The following IWS1 variants were observed in gnomAD, a reference collection of about 807,000 sequenced individuals.
IWS1 encodes protein IWS1 homolog.
A neutral mutation model predicts 86.7 loss-of-function variants in IWS1; 27 were observed. That is an observed-to-expected ratio of 0.31 (90% CI 0.23 to 0.43). The LOEUF is 0.43. IWS1 is among the 20% of genes least tolerant of loss of function. The pLI, the probability that IWS1 is intolerant of heterozygous loss-of-function variation, is 1.00. For missense variants in IWS1, 827 were observed against 1,000.8 expected, an observed-to-expected ratio of 0.83 and a Z score of 2.34; for synonymous variants, 313 against 335.1, an observed-to-expected ratio of 0.93 and a Z score of 0.72.
chr2:127,526,113 G>A, intron 1 of IWS1, 62 bp downstream of exon 1: 27 of 1,518,002 alleles, frequency 1.8e-5, no homozygotes, highest in Non-Finnish European at 2.4e-5. Context: ...CGGGGTGCCA[G>A]GCCAAGCCCC....
In IWS1 at chr2:127,499,095, C is replaced by CTT. The variant is rs397718564; in HGVS notation, c.1468-860_1468-859dup. On this transcript the variant is annotated intron_variant, in intron 5 of 13. Coordinates refer to ENST00000295321, the MANE Select transcript of IWS1 (RefSeq NM_017969.3). The surrounding 1 kb of genome is among the most constrained non-coding windows in gnomAD (Gnocchi z 4.0). ...TTTGCCAGGCATAATTTTTCTTTTTCTTTTTTTTTTTTTGAGACGGAGTCT... is the reference window on the plus strand; with the variant it reads ...TTTGCCAGGCATAATTTTTCTTTTTCTTTTTTTTTTTTTTTGAGACGGAGTCT... Among the ~76,000 whole-genome samples, 3,101 of 143,672 alleles carry CTT rather than the reference C, an allele frequency of 0.022. 102 individuals carry two copies. Among genetic ancestry groups the CTT allele is most frequent in the African/African-American group, 0.068 (2,628 of 38,908 alleles). 94.3% of individuals were successfully genotyped at this position (143,672 alleles called of 152,430 possible).
chr2:127,509,707 C>CAA (rs34526019), intron 2 of IWS1, among the ~76,000 whole-genome samples: 2,037 of 54,876 alleles, frequency 0.037, 206 homozygotes, highest in Middle Eastern at 0.089. Context: ...CACTCCATCT[C>CAA]AAAAAAAAAA....
intron 3 of IWS1, among the ~76,000 whole-genome samples, 197 bp from the exon 4 acceptor site, chr2:127,503,773 G>C (rs370528103): frequency 7.2e-5 from 11 of 152,066 alleles, no homozygotes; most frequent in African/African-American, 2.7e-4. Context: ...GGCTCATTCA[G>C]AGTCATCTTA....
intron 12 of IWS1, among the ~76,000 whole-genome samples, chr2:127,487,534 T>C (rs1689990039): frequency 6.6e-6 from 1 of 152,208 alleles, no homozygotes; most frequent in South Asian, 2.1e-4. Context: ...CAATTGTTTC[T>C]ATTCTCTTGT....
In IWS1 at chr2:127,505,701, C is replaced by A; in HGVS notation, c.202G>T (p.Asp68Tyr). 6.2e-7 allele frequency: 1 copy of A among 1,612,270 alleles called. No homozygotes were observed. The highest frequency in any genetic ancestry group is 1.1e-5 in the South Asian group (1 of 90,736). The stretch of plus-strand genomic sequence containing the variant: ...TTTAAGGGCTCATCGTTCTCAGAGT[C>A]TGTCACATGATGTCCTTTGGGGAGG... ...DGLPKGHHVT[D>Y]SENDEPLNLN... The change falls in exon 3 of 14, where the codon GAC (aspartate) becomes TAC (tyrosine). Residue 68 changes from aspartate (D) to tyrosine (Y), a missense_variant. Physicochemically the swap from Asp to Tyr is radical, Grantham distance 160. This residue lies in a region of IWS1 where 548 missense variants were observed against 560.2 expected (regional missense o/e 0.98). Coordinates refer to ENST00000295321, the MANE Select transcript of IWS1 (RefSeq NM_017969.3). This position sits in a 1 kb window ranked among gnomAD's most constrained non-coding sequence, Gnocchi z 5.0.
In IWS1 at chr2:127,489,890, T is replaced by C. The variant is rs1171199779; in HGVS notation, c.2101A>G (p.Arg701Gly). The C allele has an allele frequency of 1.2e-6, 2 of 1,613,068 alleles. No homozygotes were observed. Among genetic ancestry groups the C allele is most frequent in the Non-Finnish European group, 8.5e-7 (1 of 1,179,150 alleles). Reference sequence around the variant, plus strand: ...AGATCTCTCTGCTCCCTTTCTTCTCTTGTCATTCCTTTGTAGTTTGAGGTA... The same window carrying C: ...AGATCTCTCTGCTCCCTTTCTTCTCCTGTCATTCCTTTGTAGTTTGAGGTA... ...GLTSNYKGMT[R>G]EEREQRDLEQ... Residue 701 changes from arginine (R) to glycine (G), a missense_variant, in exon 11 of 14, where the codon AGA becomes GGA. This residue lies in a region of IWS1 where 279 missense variants were observed against 440.6 expected (regional missense o/e 0.63). Transcript: ENST00000295321. This position sits in a 1 kb window ranked among gnomAD's most constrained non-coding sequence, Gnocchi z 4.8.
rs150028187 is a variant in IWS1, at chr2:127,496,291, G to A, written c.1566-143C>T. The A allele has an allele frequency of 5.3e-4, 466 of 880,932 alleles. 5 individuals carry two copies. In the East Asian group the frequency reaches 9.2e-3, roughly 17 times the overall value. 54.6% of individuals were successfully genotyped at this position (880,932 alleles called of 1,614,324 possible). On this transcript the variant is annotated intron_variant, in intron 6 of 13. Transcript: ENST00000295321. ...TTTAAAAGTGCAAATACAGTCATGC[G>A]CCGCATAACGATGTTTCGGTCAATG...
At position 127,515,262 on chromosome 2, in the gene IWS1, G is replaced by A. The variant is rs147530455; in HGVS notation, c.150+8414C>T. On this transcript the variant is annotated intron_variant, in intron 2 of 13. Transcript: ENST00000295321. ...TGGTCATCAATGATGGGGAGGATGTGTTACTAGCATTTCATTTAATGCCCA... is the reference window on the plus strand; with the variant it reads ...TGGTCATCAATGATGGGGAGGATGTATTACTAGCATTTCATTTAATGCCCA... 1.8e-4 allele frequency among the ~76,000 whole-genome samples: 27 copies of A among 152,308 alleles called. No individual in the cohort carries two copies. In the East Asian group the frequency reaches 5.0e-3, roughly 28 times the overall value.
intron 6 of IWS1, among the ~76,000 whole-genome samples, chr2:127,497,250 T>C (rs948984069): frequency 6.6e-5 from 10 of 152,256 alleles, no homozygotes; most frequent in Admixed American, 2.6e-4. Context: ...TCATGCACTA[T>C]ATTCACACTT....
At chr2:127,490,354 CTT>C (rs386650222) in intron 10 of IWS1, among the ~76,000 whole-genome samples, 57 of 152,278 alleles carry the variant, frequency 3.7e-4, no homozygotes, top group African/African-American at 1.3e-3. Context: ...GAACAAACTC[CTT>C]TACAACTACC....
Position 127,493,296 on chromosome 2 carries a change from C to T in IWS1, c.1914G>A (p.Leu638=), listed in dbSNP as rs770732291. Residue 638 remains leucine, a synonymous_variant, in exon 9 of 14, where the codon CTG becomes CTA. Transcript: ENST00000295321. ...LPALKIREEL[L]KILQELPSVS... ...TGCCTCTAACCTCTTGCAGGATCTT[C>T]AGCAGCTCCTCCCGGATCTTGAGTG... 5.6e-6 allele frequency: 9 copies of T among 1,611,620 alleles called. No individual in the cohort carries two copies. In the East Asian group the frequency reaches 2.0e-4, roughly 36 times the overall value.
chr2:127,483,463 T>TAAAA, intron 13 of IWS1, among the ~76,000 whole-genome samples: 1 of 140,704 alleles, frequency 7.1e-6, no homozygotes, highest in East Asian at 2.1e-4. Context: ...AAATACATAA[T>TAAAA]AAAAAAAAAA....
In IWS1 at chr2:127,481,069, A is replaced by G; in HGVS notation, c.2435T>C (p.Ile812Thr). 6.2e-7 allele frequency: 1 copy of G among 1,611,906 alleles called. No homozygotes were observed. The highest frequency in any genetic ancestry group is 8.5e-7 in the Non-Finnish European group (1 of 1,179,296). Residue 812 changes from isoleucine to threonine, a missense_variant, in exon 14 of 14, where the codon ATT (isoleucine) becomes ACT (threonine). By Grantham distance (89) the Ile-to-Thr change is moderately conservative. Coordinates refer to ENST00000295321, the MANE Select transcript of IWS1 (RefSeq NM_017969.3). ...SRSAHAVKIS[I>T]EGNKMPL ...TCACAATGGCATTTTGTTGCCCTCAATGCTGATTTTCACTGCGTGTGCAGA... is the reference window on the plus strand; with the variant it reads ...TCACAATGGCATTTTGTTGCCCTCAGTGCTGATTTTCACTGCGTGTGCAGA...
intron 2 of IWS1, among the ~76,000 whole-genome samples, chr2:127,513,248 A>G (rs1691569337): frequency 1.4e-5 from 2 of 146,428 alleles, no homozygotes; most frequent in Admixed American, 1.3e-4. Context: ...CTCAAAAAAA[A>G]TAAAAAACAA....
chr2:127,516,667 G>A (rs761255007), intron 2 of IWS1, among the ~76,000 whole-genome samples: 13 of 151,874 alleles, frequency 8.6e-5, no homozygotes, highest in Admixed American at 2.6e-4. Context: ...GGTATGAGGC[G>A]GGAAGACTCC....
chr2:127,494,263 A>C (rs1573517797), intron 8 of IWS1, among the ~76,000 whole-genome samples: 1 of 151,244 alleles, frequency 6.6e-6, no homozygotes, highest in East Asian at 1.9e-4. Flanking sequence ...AAAAAAAAAA[A>C]AAAGCAAATC....
At chr2:127,504,354 C>T (rs552424888) in intron 3 of IWS1, among the ~76,000 whole-genome samples, 39 of 151,938 alleles carry the variant, frequency 2.6e-4, no homozygotes, top group Admixed American at 1.2e-3. Context: ...ACAATTAATA[C>T]AGTTAGGGGT....
chr2:127,497,370 T>C (rs1690569507), intron 6 of IWS1, among the ~76,000 whole-genome samples: 2 of 152,250 alleles, frequency 1.3e-5, no homozygotes, highest in Admixed American at 1.3e-4. Flanking sequence ...TATTTGAATG[T>C]TGTGGTCTTA....
chr2:127,487,034 G>A (rs1468409792), intron 12 of IWS1, among the ~76,000 whole-genome samples: 1 of 152,176 alleles, frequency 6.6e-6, no homozygotes, highest in East Asian at 1.9e-4. Flanking sequence ...GTTCACTTGT[G>A]AGATGAGGAA....
Sources: gnomAD v4.1 joint callset for allele counts (sites outside exome capture counted in the v4.1 genomes callset) on GRCh38, gnomAD v4.1.1 for gene constraint, gnomAD v4.1.1 regional missense constraint, Gnocchi (gnomAD v3.1) non-coding constraint, MANE v1.5 for transcripts, NCBI Gene and HGNC (gene_info 2026-07-23, HGNC 2026-07-21) for gene names.